The following DNAH2 variants were observed in gnomAD, a reference collection of about 807,000 sequenced individuals.
The protein encoded by DNAH2 is axonemal beta dynein heavy chain 2.
A neutral mutation model predicts 523.5 loss-of-function variants in DNAH2; 323 were observed. The observed-to-expected ratio is 0.62, with a 90% CI of 0.56 to 0.68. The LOEUF (loss-of-function observed/expected upper bound fraction) is 0.68, where lower values mean the gene tolerates loss of function less well. Ranked by LOEUF, DNAH2 falls within the 30% of genes least tolerant of loss-of-function variation. The pLI, the probability that DNAH2 is intolerant of heterozygous loss-of-function variation, is 0.00. For missense variants in DNAH2, 4,907 were observed against 5,701.5 expected, an observed-to-expected ratio of 0.86 and a Z score of 4.49; for synonymous variants, 2,093 against 2,177.4, an observed-to-expected ratio of 0.96 and a Z score of 1.08.
At position 7,809,274 on chromosome 17, in the gene DNAH2, G is replaced by A. The variant is rs1218244115; in HGVS notation, c.9729+1688G>A. Among the ~76,000 whole-genome samples the A allele has an allele frequency of 7.2e-5, 11 of 152,250 alleles. No individual in the cohort carries two copies. In the East Asian group the frequency reaches 1.5e-3, roughly 21 times the overall value. The stretch of plus-strand genomic sequence containing the variant: ...ATCAAGGGCTCACTGGCTCGTCACC[G>A]TCAGAGCTGGGCTAGATCCTGTGTT... On this transcript the variant is annotated intron_variant, in intron 63 of 85. Coordinates refer to ENST00000572933, the MANE Select transcript of DNAH2 (RefSeq NM_020877.5).
chr17:7,775,979 G>A (rs758366366), intron 30 of DNAH2, 45 bp from the exon 31 acceptor site: 54 of 1,606,076 alleles, frequency 3.4e-5, no homozygotes, highest in Non-Finnish European at 4.2e-5. Flanking sequence ...GACCTTGGCC[G>A]TGCCCCCTCA....
intron 3 of DNAH2, among the ~76,000 whole-genome samples, chr17:7,725,691 C>A (rs1597455747): frequency 8.8e-6 from 1 of 113,174 alleles, no homozygotes; most frequent in African/African-American, 3.3e-5. Context: ...CCACCCCCCA[C>A]CCCCACTCCG....
chr17:7,785,292 G>A (rs764056361), intron 39 of DNAH2, among the ~76,000 whole-genome samples: 12 of 152,030 alleles, frequency 7.9e-5, no homozygotes, highest in Non-Finnish European at 1.6e-4. Context: ...TAGTAGAGAC[G>A]GGGTTTCGCC....
intron 49 of DNAH2, among the ~76,000 whole-genome samples, 173 bp downstream of exon 49, chr17:7,794,531 C>T (rs998431640): frequency 6.6e-6 from 1 of 152,120 alleles, no homozygotes; most frequent in Admixed American, 6.5e-5. Flanking sequence ...AGGAGAGCTA[C>T]GGGTTGGAAG....
chr17:7,771,366 C>A lies in DNAH2; in HGVS notation c.4399C>A (p.Pro1467Thr), dbSNP rs755276762. ...AGGAGAAGACATCCGCAAGCAGCTGCCCAATGAATCGACCTTATTTGACCA... is the reference window on the plus strand; with the variant it reads ...AGGAGAAGACATCCGCAAGCAGCTGACCAATGAATCGACCTTATTTGACCA... ...FLGEDIRKQL[P>T]NESTLFDQVN... Residue 1467 changes from proline to threonine, a missense_variant, in exon 28 of 86, where the codon CCC (proline) becomes ACC (threonine). Transcript: ENST00000572933. The A allele has an allele frequency of 3.7e-6, 6 of 1,614,118 alleles. No homozygotes were observed. The highest frequency in any genetic ancestry group is 5.1e-6 in the Non-Finnish European group (6 of 1,180,032).
Position 7,758,892 on chromosome 17 carries a change from T to G in DNAH2, c.2216T>G (p.Met739Arg), listed in dbSNP as rs2075922417. 6.2e-7 allele frequency: 1 copy of G among 1,613,950 alleles called. No individual in the cohort carries two copies. Residue 739 changes from methionine to arginine, a missense_variant, in exon 15 of 86, where the codon ATG becomes AGG. Physicochemically the swap from Met to Arg is moderately conservative, Grantham distance 91 (BLOSUM62 -1). Around this residue, in one of 3 missense-constraint regions of DNAH2, gnomAD observed 2,806 missense variants for 3,190.8 expected, o/e 0.88. Transcript: ENST00000572933. ...GACGGGGCCTGACTCTAGGTGCAGATGATTGTGAATGAGTTCAAGGCATCC... is the reference window on the plus strand; with the variant it reads ...GACGGGGCCTGACTCTAGGTGCAGAGGATTGTGAATGAGTTCAAGGCATCC... Reference protein sequence around the residue: ...ECRIHASKVQMIVNEFKASTL... With the variant: ...ECRIHASKVQRIVNEFKASTL...
At position 7,794,367 on chromosome 17, in the gene DNAH2, C is replaced by T. The variant is rs2077006108; in HGVS notation, c.7674+9C>T. 3.1e-6 allele frequency: 5 copies of T among 1,600,174 alleles called. No homozygotes were observed. Among genetic ancestry groups the T allele is most frequent in the Non-Finnish European group, 4.3e-6 (5 of 1,172,956 alleles). On this transcript the variant is annotated intron_variant, in intron 49 of 85. Transcript: ENST00000572933. ...ACATGACCTTCCCCACAGTGAGGAC[C>T]TCATGGGGGCTGCAGGACGAGGGGA...
At chr17:7,785,744 T>C (rs1336285134) in intron 39 of DNAH2, among the ~76,000 whole-genome samples, 1 of 152,242 alleles carries the variant, frequency 6.6e-6, no homozygotes, top group Non-Finnish European at 1.5e-5. Flanking sequence ...TCTATTTTGT[T>C]CCAAGCCGTA....
chr17:7,777,737 T>C, intron 33 of DNAH2, 103 bp downstream of exon 33: 2 of 1,422,524 alleles, frequency 1.4e-6, no homozygotes, highest in South Asian at 2.6e-5. Context: ...AGCCAACCCT[T>C]AGTCCTGTCC....
rs767917191 is a variant in DNAH2 at position 7,757,211 on chromosome 17, G to A, written c.2025G>A (p.Leu675=). The A allele has an allele frequency of 9.9e-6, 16 of 1,614,016 alleles. No homozygotes were observed. Among genetic ancestry groups the A allele is most frequent in the Non-Finnish European group, 1.3e-5 (15 of 1,180,024 alleles). The change falls in exon 13 of 86, where the codon CTG becomes CTA. Residue 675 remains leucine (L), a synonymous_variant. Transcript: ENST00000572933. ...AEDLRILREN[L]LLVARDYNRI... is the part of the protein sequence containing the mutation. ...ACCTGCGCATTCTGCGTGAAAATCT[G>A]CTACTCGTTGCTAGAGACTACAATA...
Position 7,807,371 on chromosome 17 carries a change from G to A in DNAH2, c.9612+52G>A, listed in dbSNP as rs368593610. The A allele has an allele frequency of 1.9e-6, 3 of 1,603,752 alleles. No individual in the cohort carries two copies. The African/African-American group carries it at 4.0e-5, about 21-fold the overall frequency. ...CGGTAGGGAGGGCAGGCCTGGGGGAGTGCGGATGCACAGACCCAGGTGGAA... is the reference window on the plus strand; with the variant it reads ...CGGTAGGGAGGGCAGGCCTGGGGGAATGCGGATGCACAGACCCAGGTGGAA... On this transcript the variant is annotated intron_variant, in intron 62 of 85. Coordinates refer to ENST00000572933, the MANE Select transcript of DNAH2 (RefSeq NM_020877.5). The surrounding 1 kb of genome is among the most constrained non-coding windows in gnomAD (Gnocchi z 5.6).
chr17:7,802,756 C>T (rs564488751), intron 58 of DNAH2, among the ~76,000 whole-genome samples: 5 of 151,972 alleles, frequency 3.3e-5, no homozygotes, highest in South Asian at 4.2e-4. Context: ...CTCTGCCTCC[C>T]GGGTTCAAGT....
intron 39 of DNAH2, among the ~76,000 whole-genome samples, chr17:7,784,528 G>T (rs2076684143): frequency 6.6e-6 from 1 of 152,152 alleles, no homozygotes; most frequent in South Asian, 2.1e-4. Flanking sequence ...GGGTGACAGA[G>T]TGAGACCTCA....
At chr17:7,739,040 T>C (rs1405900649) in intron 8 of DNAH2, 1 of 701,680 alleles carries the variant, frequency 1.4e-6, no homozygotes, top group Non-Finnish European at 2.6e-6. Context: ...AACCAAAAGC[T>C]AACAGCAGAC....
intron 20 of DNAH2, among the ~76,000 whole-genome samples, chr17:7,765,187 A>G (rs1036546469): frequency 2.6e-5 from 4 of 152,058 alleles, no homozygotes; most frequent in Non-Finnish European, 5.9e-5. Context: ...ATGAGAGGGC[A>G]GACCTCCTGC....
chr17:7,740,810 G>T lies in DNAH2; in HGVS notation c.1507G>T (p.Ala503Ser). ...CCAGCCTCTTCCTCTTCTTCCCTAG[G>T]CTATCAAGCGGACTTATGACAAGAA... ...DTFHRLASRE[A>S]IKRTYDKKAV... Residue 503 changes from alanine to serine, a missense_variant and splice_region_variant, in exon 11 of 86, where the codon GCT (alanine) becomes TCT (serine). By Grantham distance (99) the Ala-to-Ser change is moderately conservative. Coordinates refer to ENST00000572933, the MANE Select transcript of DNAH2 (RefSeq NM_020877.5). 1 of 1,604,264 alleles carries T rather than the reference G, an allele frequency of 6.2e-7. No individual in the cohort carries two copies. Among genetic ancestry groups the T allele is most frequent in the South Asian group, 1.1e-5 (1 of 90,844 alleles).
chr17:7,736,452 T>C (rs1450423312), intron 7 of DNAH2, among the ~76,000 whole-genome samples: 1 of 152,192 alleles, frequency 6.6e-6, no homozygotes, highest in Non-Finnish European at 1.5e-5. Flanking sequence ...AGTATCCACT[T>C]AGTGCGGAGT....
intron 56 of DNAH2, among the ~76,000 whole-genome samples, chr17:7,801,225 C>T (rs549252160): frequency 1.9e-4 from 29 of 152,056 alleles, no homozygotes; most frequent in African/African-American, 5.8e-4. Context: ...CATAGCCAGG[C>T]GCTACGCTGA....
intron 39 of DNAH2, among the ~76,000 whole-genome samples, chr17:7,785,350 G>A (rs974099018): frequency 4.6e-5 from 7 of 152,176 alleles, no homozygotes; most frequent in Middle Eastern, 3.2e-3. Context: ...CGATCTGTCC[G>A]CCTCAGCCTC....
Sources: allele counts gnomAD v4.1 joint callset (sites outside exome capture counted in the v4.1 genomes callset), GRCh38; gene constraint gnomAD v4.1.1; regional missense constraint gnomAD v4.1.1; non-coding constraint Gnocchi (gnomAD v3.1); transcripts MANE v1.5; gene names NCBI Gene and HGNC (gene_info 2026-07-23, HGNC 2026-07-21).